PLCB1: variants seen among roughly 807,000 people sequenced by gnomAD.
The protein encoded by PLCB1 is phospholipase C beta 1, also known as 1-phosphatidylinositol 4,5-bisphosphate phosphodiesterase beta-1.
A neutral mutation model predicts 161.8 loss-of-function variants in PLCB1; 46 were observed. That is an observed-to-expected ratio of 0.28 (90% CI 0.22 to 0.36). The LOEUF (loss-of-function observed/expected upper bound fraction) is 0.36. Among genes scored for constraint, PLCB1 ranks in the 10% least tolerant of loss-of-function variants. PLCB1 has a pLI of 1.00. For missense variants in PLCB1, 1,016 were observed against 1,472.5 expected, an observed-to-expected ratio of 0.69 and a Z score of 5.07; for synonymous variants, 517 against 503.7, an observed-to-expected ratio of 1.03 and a Z score of -0.35.
At chr20:8,356,314 A>C (rs1403482640) in intron 2 of PLCB1, among the ~76,000 whole-genome samples, 2 of 152,100 alleles carry the variant, frequency 1.3e-5, no homozygotes, top group Non-Finnish European at 2.9e-5. Flanking sequence ...TATCAGAATC[A>C]CCTGTAGGAT....
chr20:8,537,874 G>A (rs1444108943), intron 3 of PLCB1, among the ~76,000 whole-genome samples: 1 of 152,120 alleles, frequency 6.6e-6, no homozygotes, highest in Non-Finnish European at 1.5e-5. Flanking sequence ...GGAATTTTTT[G>A]AGAAAAGATA....
intron 2 of PLCB1, among the ~76,000 whole-genome samples, chr20:8,254,626 G>A (rs1407388829): frequency 6.6e-6 from 1 of 151,858 alleles, no homozygotes; most frequent in Non-Finnish European, 1.5e-5. Context: ...ACCAATCTTT[G>A]GCTTTGTAAC....
At chr20:8,432,424 AATCCTATCCT>A (rs1240343074) in intron 3 of PLCB1, among the ~76,000 whole-genome samples, 1 of 152,162 alleles carries the variant, frequency 6.6e-6, no homozygotes, top group Non-Finnish European at 1.5e-5. Flanking sequence ...ACATAAATCC[AATCCTATCCT>A]ATCCTATTCT....
At chr20:8,735,275 C>T (rs1299275928) in intron 19 of PLCB1, among the ~76,000 whole-genome samples, 2 of 152,056 alleles carry the variant, frequency 1.3e-5, no homozygotes, top group African/African-American at 4.8e-5. Context: ...CTTGAAAATC[C>T]TACTGTGACA....
intron 10 of PLCB1, among the ~76,000 whole-genome samples, chr20:8,693,143 A>T (rs1355370427): frequency 6.6e-6 from 1 of 152,210 alleles, no homozygotes. Context: ...GGGTAAAGGA[A>T]TATGTCTCAT....
Position 8,628,307 on chromosome 20 carries a change from G to T in PLCB1, c.260G>T (p.Arg87Leu). Residue 87 changes from arginine to leucine, a missense_variant, in exon 4 of 32, where the codon CGT (arginine) becomes CTT (leucine). Physicochemically the swap from Arg to Leu is moderately radical, Grantham distance 102. Transcript: ENST00000338037. Reference sequence around the variant, plus strand: ...TTTATTACCCAGGACCCCAAATTACGTGAACTTTTGGATGTGGGGAACATC... The same window carrying T: ...TTTATTACCCAGGACCCCAAATTACTTGAACTTTTGGATGTGGGGAACATC... Reference protein sequence around the residue: ...HAKAPKDPKLRELLDVGNIGR... With the variant: ...HAKAPKDPKLLELLDVGNIGR... 1 of 1,613,542 alleles carries T rather than the reference G, an allele frequency of 6.2e-7. No individual in the cohort carries two copies.
intron 2 of PLCB1, among the ~76,000 whole-genome samples, chr20:8,168,914 G>T (rs181129272): frequency 1.3e-5 from 2 of 152,248 alleles, no homozygotes; most frequent in Admixed American, 6.5e-5. Context: ...ATTTCAGACC[G>T]CTTCTCCTAG....
chr20:8,756,226 A>T (rs2123560632), intron 23 of PLCB1, among the ~76,000 whole-genome samples: 1 of 152,288 alleles, frequency 6.6e-6, no homozygotes, highest in Admixed American at 6.5e-5. Flanking sequence ...TAACTTATTT[A>T]ATCATCTAAA....
intron 3 of PLCB1, among the ~76,000 whole-genome samples, chr20:8,464,234 T>C (rs1175334865): frequency 6.6e-6 from 1 of 152,198 alleles, no homozygotes; most frequent in African/African-American, 2.4e-5. Flanking sequence ...TATTGGGTGT[T>C]CTGAAATTTC....
chr20:8,174,628 G>A (rs1007881738), intron 2 of PLCB1, among the ~76,000 whole-genome samples: 4 of 152,136 alleles, frequency 2.6e-5, no homozygotes, highest in East Asian at 1.9e-4. Flanking sequence ...GTTAGCATCC[G>A]ATACTCAAGG....
intron 3 of PLCB1, among the ~76,000 whole-genome samples, chr20:8,456,706 T>A (rs748822364): frequency 1.2e-4 from 18 of 152,290 alleles, no homozygotes; most frequent in Non-Finnish European, 1.9e-4. Context: ...ACATCAGAAA[T>A]TAATTTCTCA....
chr20:8,438,612 C>T (rs1196755279), intron 3 of PLCB1, among the ~76,000 whole-genome samples: 2 of 152,156 alleles, frequency 1.3e-5, no homozygotes, highest in Non-Finnish European at 2.9e-5. Flanking sequence ...GAATGCAAGC[C>T]ACAGTTGTCT....
chr20:8,206,252 T>C (rs1392078133), intron 2 of PLCB1, among the ~76,000 whole-genome samples: 2 of 152,180 alleles, frequency 1.3e-5, no homozygotes, highest in Non-Finnish European at 2.9e-5. Flanking sequence ...GCATTTCTCA[T>C]CCTTCTCCCA....
At chr20:8,493,005 CCTT>C (rs1950527365) in intron 3 of PLCB1, among the ~76,000 whole-genome samples, 2 of 152,040 alleles carry the variant, frequency 1.3e-5, no homozygotes, top group Non-Finnish European at 2.9e-5. Flanking sequence ...CCTTATATCA[CCTT>C]CTTATCTCCA....
chr20:8,840,559 G>T (rs1157034987), intron 31 of PLCB1, among the ~76,000 whole-genome samples: 4 of 152,200 alleles, frequency 2.6e-5, no homozygotes, highest in Non-Finnish European at 5.9e-5. Flanking sequence ...AATGGTCTCA[G>T]AACAAGCTGT....
At chr20:8,222,193 G>A (rs1013462432) in intron 2 of PLCB1, among the ~76,000 whole-genome samples, 2 of 152,078 alleles carry the variant, frequency 1.3e-5, no homozygotes, top group South Asian at 2.1e-4. Context: ...TATTTACCAC[G>A]ATCAGTGCTT....
At chr20:8,139,658 A>G (rs1049413920) in intron 1 of PLCB1, among the ~76,000 whole-genome samples, 1 of 152,216 alleles carries the variant, frequency 6.6e-6, no homozygotes, top group African/African-American at 2.4e-5. Context: ...AATCCATTTT[A>G]TAGAAGAAGC....
intron 25 of PLCB1, 26 bp downstream of exon 25, chr20:8,760,486 G>A (rs1422357886): frequency 4.5e-6 from 7 of 1,545,282 alleles, no homozygotes; most frequent in African/African-American, 1.4e-5. Context: ...TCCCCCCATG[G>A]AATTAAGCAG....
At chr20:8,292,815 ACATT>A (rs1983446924) in intron 2 of PLCB1, among the ~76,000 whole-genome samples, 1 of 152,198 alleles carries the variant, frequency 6.6e-6, no homozygotes, top group South Asian at 2.1e-4. Context: ...TTTTAATGTT[ACATT>A]TCTTATAACA....
Sources: gnomAD v4.1 joint callset for allele counts (sites outside exome capture counted in the v4.1 genomes callset) on GRCh38, gnomAD v4.1.1 for gene constraint, MANE v1.5 for transcripts, NCBI Gene and HGNC (gene_info 2026-07-23, HGNC 2026-07-21) for gene names.